TENM4: variants seen among roughly 807,000 people sequenced by gnomAD.
TENM4 encodes the protein teneurin-4.
In TENM4, 82 loss-of-function variants were observed where a neutral mutation model predicts 243.3. The observed-to-expected ratio is 0.34, with a 90% CI of 0.28 to 0.40. The LOEUF is 0.40. Among genes scored for constraint, TENM4 ranks in the 10% least tolerant of loss-of-function variants. The pLI is 1.00. For missense variants in TENM4, 3,138 were observed against 3,673.3 expected, an observed-to-expected ratio of 0.85 and a Z score of 3.77; for synonymous variants, 1,412 against 1,456.3, an observed-to-expected ratio of 0.97 and a Z score of 0.69.
intron 6 of TENM4, among the ~76,000 whole-genome samples, chr11:78,975,812 G>C (rs1463176218): frequency 6.6e-6 from 1 of 151,756 alleles, no homozygotes; most frequent in Non-Finnish European, 1.5e-5. Context: ...AACTGTGGGA[G>C]GGTGGGAGGG....
rs138837875 is a variant in TENM4, at chr11:79,120,902, T to C, written c.-66+27808A>G. ...TAACCCCCACAGCAAATCTATGAGA[T>C]AGACATTACTGTTATCCCATTTTGC... On this transcript the variant is annotated intron_variant, in intron 4 of 33. Transcript: ENST00000278550. Among the ~76,000 whole-genome samples the C allele has an allele frequency of 3.3e-3, 501 of 152,340 alleles. 1 individual carries two copies. The highest frequency in any genetic ancestry group is 4.8e-3 in the Admixed American group (74 of 15,308).
chr11:78,690,066 C>T (rs1858781437), intron 28 of TENM4, among the ~76,000 whole-genome samples: 1 of 151,996 alleles, frequency 6.6e-6, no homozygotes, highest in Non-Finnish European at 1.5e-5. Flanking sequence ...AACCCATGTC[C>T]TGCCATGATT....
intron 2 of TENM4, among the ~76,000 whole-genome samples, chr11:79,276,862 C>A (rs780654006): frequency 6.6e-6 from 1 of 152,112 alleles, no homozygotes; most frequent in African/African-American, 2.4e-5. Context: ...AAGGGGAGAC[C>A]TAGCCCAGCT....
Position 78,726,121 on chromosome 11 carries a change from C to T in TENM4, c.3508G>A (p.Gly1170Arg), listed in dbSNP as rs748484706. The change falls in exon 23 of 34, where the codon GGA becomes AGA. Residue 1170 changes from glycine (G) to arginine (R), a missense_variant. Physicochemically the swap from Gly to Arg is moderately radical, Grantham distance 125. This residue lies in a region of TENM4 where 2,467 missense variants were observed against 3,059.1 expected (regional missense o/e 0.81). Transcript: ENST00000278550. ...GCATGATGTTTGTCTAGGCTCCATC[C>T]TCCAAGCTTGGACGCGTCAATTTCA... is the stretch of plus-strand genomic sequence containing the variant. Reference protein sequence around the residue: ...GYEIDASKLGGWSLDKHHALN... With the variant: ...GYEIDASKLGRWSLDKHHALN... 3.1e-6 allele frequency: 5 copies of T among 1,613,942 alleles called. No individual in the cohort carries two copies. The South Asian group carries it at 4.4e-5, about 14-fold the overall frequency.
chr11:79,175,254 C>T (rs1344792471), intron 3 of TENM4, among the ~76,000 whole-genome samples: 1 of 152,000 alleles, frequency 6.6e-6, no homozygotes, highest in Non-Finnish European at 1.5e-5. Context: ...AAAAAATATC[C>T]CAAGCAAGCC....
At chr11:79,125,900 C>T (rs987217734) in intron 4 of TENM4, among the ~76,000 whole-genome samples, 6 of 152,086 alleles carry the variant, frequency 3.9e-5, no homozygotes, top group South Asian at 2.1e-4. Context: ...TGAGGAAGTG[C>T]GCTACACTCA....
intron 6 of TENM4, among the ~76,000 whole-genome samples, chr11:78,993,975 T>TA (rs796902477): frequency 6.6e-6 from 1 of 152,192 alleles, no homozygotes; most frequent in East Asian, 1.9e-4. Flanking sequence ...TTGTCTTCCC[T>TA]AAAAAAATGT....
intron 1 of TENM4, among the ~76,000 whole-genome samples, chr11:79,426,431 G>T (rs532150669): frequency 2.6e-5 from 4 of 152,160 alleles, no homozygotes; most frequent in Non-Finnish European, 4.4e-5. Flanking sequence ...TGCCCCTCTG[G>T]AAAATGGGAA....
In TENM4 at chr11:79,318,122, C is replaced by T. The variant is rs142503681; in HGVS notation, c.-320-20579G>A. ...GGTTGATGCTTAGAGGGAAATAGTG[C>T]GCTCTGAGAAATGATGATTTAAAAA... On this transcript the variant is annotated intron_variant, in intron 1 of 33. Coordinates refer to ENST00000278550, the MANE Select transcript of TENM4 (RefSeq NM_001098816.3). 2.4e-4 allele frequency among the ~76,000 whole-genome samples: 37 copies of T among 152,208 alleles called. No homozygotes were observed. The East Asian group carries it at 6.6e-3, about 27-fold the overall frequency.
intron 20 of TENM4, among the ~76,000 whole-genome samples, chr11:78,734,036 A>C (rs775481331): frequency 2.0e-5 from 3 of 152,078 alleles, no homozygotes; most frequent in Non-Finnish European, 4.4e-5. Context: ...TAAAAATACA[A>C]AAGTGATGTG....
At chr11:79,359,235 C>T (rs1024870056) in intron 1 of TENM4, among the ~76,000 whole-genome samples, 1 of 152,270 alleles carries the variant, frequency 6.6e-6, no homozygotes, top group Admixed American at 6.5e-5. Context: ...CACTGCACTC[C>T]AGCCTGGGTG....
intron 1 of TENM4, among the ~76,000 whole-genome samples, chr11:79,423,299 C>T (rs1858974872): frequency 1.3e-5 from 2 of 151,898 alleles, no homozygotes; most frequent in African/African-American, 2.4e-5. Flanking sequence ...CAACCCCCAC[C>T]CCCGCCATTG....
chr11:79,281,387 C>T (rs1413314285), intron 2 of TENM4, among the ~76,000 whole-genome samples: 2 of 152,174 alleles, frequency 1.3e-5, no homozygotes, highest in Admixed American at 1.3e-4. Context: ...GTCTTATTTT[C>T]ATAAGAGATG....
intron 17 of TENM4, 146 bp from the exon 18 acceptor site, chr11:78,771,284 T>C: frequency 9.6e-7 from 1 of 1,045,550 alleles, no homozygotes; most frequent in Middle Eastern, 2.1e-4. Flanking sequence ...GTAGGTATCA[T>C]TAGGAATTGC....
intron 1 of TENM4, among the ~76,000 whole-genome samples, chr11:79,317,674 T>A (rs1856824960): frequency 6.6e-6 from 1 of 152,218 alleles, no homozygotes; most frequent in Admixed American, 6.5e-5. Flanking sequence ...AAACAGAATC[T>A]GAACTGCAGC....
chr11:79,049,434 G>A (rs1565182214), intron 6 of TENM4, among the ~76,000 whole-genome samples: 1 of 152,250 alleles, frequency 6.6e-6, no homozygotes, highest in Non-Finnish European at 1.5e-5. Context: ...GTCCTGAGAA[G>A]TATACACTAG....
At chr11:79,276,861 C>T (rs925947869) in intron 2 of TENM4, among the ~76,000 whole-genome samples, 4 of 152,144 alleles carry the variant, frequency 2.6e-5, no homozygotes, top group African/African-American at 9.7e-5. Flanking sequence ...GAAGGGGAGA[C>T]CTAGCCCAGC....
chr11:79,372,924 G>A (rs920569960), intron 1 of TENM4, among the ~76,000 whole-genome samples: 1 of 152,190 alleles, frequency 6.6e-6, no homozygotes, highest in African/African-American at 2.4e-5. Flanking sequence ...GGACTCCACA[G>A]CCTGCTGGGG....
chr11:78,884,128 G>A (rs1446042922), intron 9 of TENM4, among the ~76,000 whole-genome samples: 1 of 152,216 alleles, frequency 6.6e-6, no homozygotes, highest in Admixed American at 6.5e-5. Context: ...CCAACCCTGT[G>A]AAGTAACCAC....
Sources: allele counts gnomAD v4.1 joint callset (sites outside exome capture counted in the v4.1 genomes callset), GRCh38; gene constraint gnomAD v4.1.1; regional missense constraint gnomAD v4.1.1; transcripts MANE v1.5; gene names NCBI Gene and HGNC (gene_info 2026-07-23, HGNC 2026-07-21).